The following GANC variants were observed in gnomAD, a reference collection of about 807,000 sequenced individuals.
The protein encoded by GANC is glucosidase alpha, neutral C, also known as neutral alpha-glucosidase C.
A neutral mutation model predicts 124.2 loss-of-function variants in GANC; 117 were observed. The observed-to-expected ratio is 0.94, with a 90% CI of 0.81 to 1.10. The LOEUF (loss-of-function observed/expected upper bound fraction) is 1.10, where lower values mean the gene tolerates loss of function less well. Ranked by LOEUF, GANC falls within the 50% of genes least tolerant of loss-of-function variation. The pLI is 0.00. For synonymous variants in GANC, 377 were observed against 376.8 expected (o/e 1.00, Z -0.01); for missense variants, 1,140 against 1,095.0 (o/e 1.04, Z -0.58).
rs547902999 is a variant in GANC at position 42,310,988 on chromosome 15, C to G, written c.1057+142C>G. On this transcript the variant is annotated intron_variant, in intron 10 of 23. Coordinates refer to ENST00000318010, the MANE Select transcript of GANC (RefSeq NM_198141.3). Reference sequence around the variant, plus strand: ...ATTTTAATTAGCAAGCATTTCTGTTCCCATCCTCATCCCATTCAGTTCAGT... The same window carrying G: ...ATTTTAATTAGCAAGCATTTCTGTTGCCATCCTCATCCCATTCAGTTCAGT... 455 of 888,068 alleles carry G rather than the reference C, an allele frequency of 5.1e-4. No individual in the cohort carries two copies. The African/African-American group carries it at 6.9e-3, about 14-fold the overall frequency. The allele number at this position is 888,068 out of a possible 1,614,324, so 55.0% of individuals were successfully genotyped here.
At chr15:42,276,537 TCAGA>T in intron 2 of GANC, 127 bp downstream of exon 2, 1 of 544,258 alleles carries the variant, frequency 1.8e-6, no homozygotes, top group Non-Finnish European at 3.3e-6. Flanking sequence ...AAGGAAATCA[TCAGA>T]CAGGAGACTC....
Position 42,352,408 on chromosome 15 carries a change from T to C in GANC, c.*269T>C. 1 of 1,178,032 alleles carries C rather than the reference T, an allele frequency of 8.5e-7. No homozygotes were observed. The highest frequency in any genetic ancestry group is 1.1e-6 in the Non-Finnish European group (1 of 945,288). 73.0% of individuals were successfully genotyped at this position (1,178,032 alleles called of 1,614,324 possible). ...CTGAGACATTTATAGCGTTCAGGAG[T>C]CTTCTATTGCTTCCATTCCTTCAGC... On this transcript the variant is annotated 3_prime_UTR_variant, in exon 24 of 24. Transcript: ENST00000318010.
At chr15:42,349,544 T>C (rs2052403330) in intron 22 of GANC, 49 bp downstream of exon 22, 1 of 1,076,042 alleles carries the variant, frequency 9.3e-7, no homozygotes, top group Non-Finnish European at 1.4e-6. Context: ...AATCACACTA[T>C]CCGTTCAGCA....
chr15:42,279,014 A>G (rs1327401042), intron 3 of GANC, among the ~76,000 whole-genome samples: 1 of 152,178 alleles, frequency 6.6e-6, no homozygotes, highest in East Asian at 1.9e-4. Context: ...CAAAGAAAGA[A>G]AGAAAATGAA....
chr15:42,325,847 C>G (rs2052194495), intron 11 of GANC, among the ~76,000 whole-genome samples: 1 of 152,154 alleles, frequency 6.6e-6, no homozygotes, highest in African/African-American at 2.4e-5. Flanking sequence ...GCCGCGACCT[C>G]CCCAGCTCAA....
intron 1 of GANC, among the ~76,000 whole-genome samples, chr15:42,275,726 G>A (rs1436510301): frequency 6.6e-6 from 1 of 152,018 alleles, no homozygotes; most frequent in African/African-American, 2.4e-5. Context: ...TAAAAAACAT[G>A]GCCCCTAGTT....
intron 4 of GANC, among the ~76,000 whole-genome samples, chr15:42,291,620 T>TG (rs1446190090): frequency 3.3e-5 from 5 of 152,128 alleles, no homozygotes; most frequent in Admixed American, 3.3e-4. Flanking sequence ...ATGATGCCGT[T>TG]AAAATGGTCT....
At chr15:42,288,959 T>C (rs2051817603) in intron 4 of GANC, among the ~76,000 whole-genome samples, 1 of 152,244 alleles carries the variant, frequency 6.6e-6, no homozygotes, top group South Asian at 2.1e-4. Flanking sequence ...TCACAATTTT[T>C]ACACTTGTGT....
rs1160024767 is a variant in GANC, at chr15:42,310,696, A to G, written c.907A>G (p.Thr303Ala). The change falls in exon 10 of 24, where the codon ACA (threonine) becomes GCA (alanine). Residue 303 changes from threonine to alanine, a missense_variant. By Grantham distance (58) the Thr-to-Ala change is moderately conservative (BLOSUM62 0). Coordinates refer to ENST00000318010, the MANE Select transcript of GANC (RefSeq NM_198141.3). ...EINTEPAVEYTLTQMGPVAAK... is the reference protein window; with the variant it reads ...EINTEPAVEYALTQMGPVAAK... ...TTTTATTCCATTCTTTTTCCAGTAC[A>G]CACTGACCCAGATGGGCCCAGTTGC... 3.1e-6 allele frequency: 5 copies of G among 1,608,684 alleles called. No individual in the cohort carries two copies. Among genetic ancestry groups the G allele is most frequent in the East Asian group, 2.2e-5 (1 of 44,662 alleles).
rs1026020507 is a variant in GANC, at chr15:42,273,228, T to G, written c.-1254T>G. The G allele has an allele frequency of 1.4e-5, 23 of 1,613,646 alleles. No individual in the cohort carries two copies. The highest frequency in any genetic ancestry group is 1.8e-5 in the Non-Finnish European group (21 of 1,179,720). ...AGCCCCACCCCTTGCTCCTCTAGGTTCAGACGTTAGTGAAGTGAATACTCA... is the reference window on the plus strand; with the variant it reads ...AGCCCCACCCCTTGCTCCTCTAGGTGCAGACGTTAGTGAAGTGAATACTCA... On this transcript the variant is annotated 5_prime_UTR_variant, in exon 1 of 24. Transcript: ENST00000318010.
chr15:42,317,238 A>T (rs1457701072), intron 10 of GANC, among the ~76,000 whole-genome samples: 6 of 152,214 alleles, frequency 3.9e-5, no homozygotes, highest in African/African-American at 1.4e-4. Flanking sequence ...TTCAGCTATA[A>T]AAAGAAATGA....
At chr15:42,300,813 G>A (rs1220978067) in intron 6 of GANC, among the ~76,000 whole-genome samples, 1 of 152,134 alleles carries the variant, frequency 6.6e-6, no homozygotes, top group Non-Finnish European at 1.5e-5. Flanking sequence ...GAGGTTGGGA[G>A]TTCAAGACCT....
intron 6 of GANC, among the ~76,000 whole-genome samples, chr15:42,303,919 C>T (rs1403708591): frequency 2.0e-5 from 3 of 152,080 alleles, no homozygotes; most frequent in African/African-American, 7.2e-5. Flanking sequence ...GACTTTAACA[C>T]CCCATTGTCA....
intron 16 of GANC, 71 bp downstream of exon 16, chr15:42,338,561 A>G (rs1356292135): frequency 9.2e-7 from 1 of 1,083,270 alleles, no homozygotes; most frequent in African/African-American, 1.5e-5. Context: ...AAAGCTGGTT[A>G]CAAATCCCTT....
At position 42,326,352 on chromosome 15, in the gene GANC, G is replaced by A. The variant is rs1210511744; in HGVS notation, c.1348G>A (p.Val450Met). The change falls in exon 12 of 24, where the codon GTG becomes ATG. Residue 450 changes from valine (V) to methionine (M), a missense_variant. By Grantham distance (21) the Val-to-Met change is conservative. Transcript: ENST00000318010. ...GATTGATCCTGACTACTCAGTATAT[G>A]TGAAGGCCAAAGATCAGGGCTTCTT... ...IKIDPDYSVY[V>M]KAKDQGFFVK... 1 of 1,614,150 alleles carries A rather than the reference G, an allele frequency of 6.2e-7. No individual in the cohort carries two copies. Among genetic ancestry groups the A allele is most frequent in the Non-Finnish European group, 8.5e-7 (1 of 1,179,998 alleles).
rs925520338 is a variant in GANC at position 42,340,555 on chromosome 15, G to A, written c.2088-135G>A. 1.1e-3 allele frequency: 716 copies of A among 660,004 alleles called. 5 individuals carry two copies. The highest frequency in any genetic ancestry group is 7.6e-4 in the Admixed American group (25 of 32,902). The allele number at this position is 660,004 out of a possible 1,614,324, so 40.9% of individuals were successfully genotyped here. On this transcript the variant is annotated intron_variant, in intron 17 of 23. Coordinates refer to ENST00000318010, the MANE Select transcript of GANC (RefSeq NM_198141.3). ...AGAGGCGGAAACTGCAGTGAGCCAAGATAGCACCACGGCATTCCAGCCTGG... is the reference window on the plus strand; with the variant it reads ...AGAGGCGGAAACTGCAGTGAGCCAAAATAGCACCACGGCATTCCAGCCTGG...
chr15:42,318,540 CA>C (rs1299276536), intron 10 of GANC, among the ~76,000 whole-genome samples: 1 of 152,078 alleles, frequency 6.6e-6, no homozygotes, highest in Non-Finnish European at 1.5e-5. Context: ...ACTAACATTC[CA>C]AATTTCCAGT....
rs199875352 is a variant in GANC, at chr15:42,292,872, T to C, written c.467T>C (p.Leu156Pro). ...GAGGTTGTGATTAGCATAAATTCCC[T>C]GGGCCAATTATACTTTGAGCATCTA... is the stretch of plus-strand genomic sequence containing the variant. ...EEEVVISINS[L>P]GQLYFEHLQI... is the part of the protein sequence containing the mutation. The change falls in exon 5 of 24, where the codon CTG (leucine) becomes CCG (proline). Residue 156 changes from leucine to proline, a missense_variant. By Grantham distance (98) the Leu-to-Pro change is moderately conservative. Transcript: ENST00000318010. 14 of 1,614,134 alleles carry C rather than the reference T, an allele frequency of 8.7e-6. No homozygotes were observed. The African/African-American group carries it at 1.9e-4, about 22-fold the overall frequency.
intron 20 of GANC, 134 bp downstream of exon 20, chr15:42,345,966 G>C (rs1277733669): frequency 1.6e-5 from 10 of 637,836 alleles, no homozygotes; most frequent in South Asian, 1.2e-4. Context: ...GAGGCTGGAA[G>C]TTCCAGATCA....
Sources: allele counts gnomAD v4.1 joint callset (sites outside exome capture counted in the v4.1 genomes callset), GRCh38; gene constraint gnomAD v4.1.1; transcripts MANE v1.5; gene names NCBI Gene and HGNC (gene_info 2026-07-23, HGNC 2026-07-21).